Variants in UPRT observed in about 807,000 individuals in gnomAD.
UPRT encodes uracil phosphoribosyltransferase homolog, also known as RP11-311P8.3.
In UPRT, 5 loss-of-function variants were observed where a neutral mutation model predicts 22.6. The ratio of observed to expected loss-of-function variants is 0.22; its 90% CI spans 0.12 to 0.47. The LOEUF is 0.47. UPRT is among the 20% of genes least tolerant of loss of function. The pLI is 0.99. For synonymous variants in UPRT, 77 were observed against 87.7 expected, an observed-to-expected ratio of 0.88 and a Z score of 0.68; for missense variants, 181 against 239.9, an observed-to-expected ratio of 0.75 and a Z score of 1.62.
At chrX:75,166,300 A>C (rs1335062262) in intron 3 of UPRT, among the ~76,000 whole-genome samples, 2 of 112,107 alleles carry the variant, frequency 1.8e-5, no homozygotes, top group African/African-American at 6.5e-5. Context: ...TTACCAACCT[A>C]TTCTGAAAAG....
intron 4 of UPRT, among the ~76,000 whole-genome samples, chrX:75,175,438 C>T (rs920271245): frequency 8.0e-5 from 9 of 112,211 alleles, no homozygotes; most frequent in East Asian, 2.8e-4. Flanking sequence ...CGGATGGTAA[C>T]GGATCTTGAG....
intron 4 of UPRT, among the ~76,000 whole-genome samples, chrX:75,196,602 T>A (rs2082333277): frequency 8.9e-6 from 1 of 112,103 alleles, no homozygotes; most frequent in Non-Finnish European, 1.9e-5. Context: ...ATCCCAGCAC[T>A]TTGGAAGGCC....
intron 4 of UPRT, among the ~76,000 whole-genome samples, chrX:75,190,229 T>A (rs1184344031): frequency 7.2e-5 from 8 of 111,712 alleles, no homozygotes; most frequent in Non-Finnish European, 1.3e-4. Context: ...TTTCTCCTTC[T>A]CTTATGAAGC....
chrX:75,234,967 A>C (rs1157081775), intron 4 of UPRT, among the ~76,000 whole-genome samples: 2 of 111,852 alleles, frequency 1.8e-5, no homozygotes, highest in Non-Finnish European at 3.8e-5. Context: ...AGAGACACAA[A>C]AAACCCTTCA....
chrX:75,232,517 T>A (rs2082442224), intron 4 of UPRT, among the ~76,000 whole-genome samples: 1 of 112,546 alleles, frequency 8.9e-6, no homozygotes, highest in African/African-American at 3.2e-5. Flanking sequence ...CAGTAACCTC[T>A]GCAGACTTAA....
rs780845821 is a variant in UPRT at position 75,297,552 on chromosome X, C to T, written c.561C>T (p.Ser187=). ...ATTGTGGGGTCAGCATAATGAGAAG[C>T]GGTAGGTTCACGTGTGTGTGATTTT... ...KGNCGVSIMR[S]GEAMEQGLRD... is the part of the protein sequence containing the mutation. Residue 187 remains serine, a splice_region_variant and synonymous_variant, in exon 4 of 7, where the codon AGC becomes AGT. Transcript: ENST00000373383. 18 of 1,209,233 alleles carry T rather than the reference C, an allele frequency of 1.5e-5. No homozygotes were observed. Among genetic ancestry groups the T allele is most frequent in the South Asian group, 1.4e-4 (8 of 56,785 alleles).
chrX:75,229,558 G>A (rs5937986), intron 4 of UPRT, among the ~76,000 whole-genome samples: 72,320 of 111,071 alleles, frequency 0.65, 20,716 homozygotes, highest in Non-Finnish European at 0.91. Context: ...AAGTGTGAGA[G>A]GGGAAAAAGT....
chrX:75,170,283 C>T (rs6647653), intron 4 of UPRT, among the ~76,000 whole-genome samples: 3,224 of 111,198 alleles, frequency 0.029, 116 homozygotes, highest in African/African-American at 0.1. Context: ...GTGATCCACC[C>T]GCCTTGGCCT....
At chrX:75,164,516 A>T (rs2082208100) in intron 3 of UPRT, among the ~76,000 whole-genome samples, 1 of 112,202 alleles carries the variant, frequency 8.9e-6, no homozygotes, top group Admixed American at 9.5e-5. Context: ...GCTAAGTGAA[A>T]AAAACAAAAA....
chrX:75,248,031 C>G (rs943652439), intron 4 of UPRT, among the ~76,000 whole-genome samples: 12 of 112,026 alleles, frequency 1.1e-4, no homozygotes, highest in African/African-American at 3.6e-4. Context: ...AACTAACAAA[C>G]AGAAAGGACA....
intron 4 of UPRT, among the ~76,000 whole-genome samples, chrX:75,260,129 C>T (rs1016831674): frequency 8.9e-5 from 10 of 111,733 alleles, no homozygotes; most frequent in Non-Finnish European, 1.3e-4. Context: ...AAAGAAACAA[C>T]GGGTACCAGC....
chrX:75,201,059 G>T (rs974607299), intron 4 of UPRT, among the ~76,000 whole-genome samples: 8 of 112,307 alleles, frequency 7.1e-5, no homozygotes, highest in Admixed American at 1.9e-4. Context: ...TCATCTACAA[G>T]ATCCTCCACT....
At chrX:75,259,366 A>C (rs1378695181) in intron 4 of UPRT, among the ~76,000 whole-genome samples, 1 of 109,915 alleles carries the variant, frequency 9.1e-6, no homozygotes, top group African/African-American at 3.3e-5. Flanking sequence ...AAGGAAGCTA[A>C]TGGTTAGAAG....
intron 1 of UPRT, among the ~76,000 whole-genome samples, chrX:75,277,671 GT>G (rs1361021112): frequency 9.0e-6 from 1 of 111,530 alleles, no homozygotes; most frequent in Non-Finnish European, 1.9e-5. Context: ...CATAAGTGCT[GT>G]CTTCTTGATT....
intron 4 of UPRT, among the ~76,000 whole-genome samples, chrX:75,190,940 G>A (rs1371755145): frequency 9.0e-6 from 1 of 111,144 alleles, no homozygotes; most frequent in African/African-American, 3.3e-5. Flanking sequence ...CCTTTAGCTT[G>A]GAGAGGTTTG....
At chrX:75,190,697 A>G (rs1260871661) in intron 4 of UPRT, among the ~76,000 whole-genome samples, 2 of 111,081 alleles carry the variant, frequency 1.8e-5, no homozygotes, top group Non-Finnish European at 3.8e-5. Flanking sequence ...TTTTTTCTCT[A>G]AACTTCTCTT....
At chrX:75,232,064 G>A (rs891314278) in intron 4 of UPRT, among the ~76,000 whole-genome samples, 9 of 111,643 alleles carry the variant, frequency 8.1e-5, no homozygotes, top group Admixed American at 2.8e-4. Flanking sequence ...GACAGTGGGC[G>A]CAGGTCAGTG....
At chrX:75,228,121 A>C (rs996332113) in intron 4 of UPRT, among the ~76,000 whole-genome samples, 1 of 111,340 alleles carries the variant, frequency 9.0e-6, no homozygotes, top group Non-Finnish European at 1.9e-5. Context: ...GGACTAAAAG[A>C]AGCAGGACTA....
intron 4 of UPRT, among the ~76,000 whole-genome samples, chrX:75,177,299 G>A (rs4623617): frequency 0.67 from 67,967 of 100,743 alleles, 20,753 homozygotes; most frequent in Non-Finnish European, 0.94. Flanking sequence ...CGGAATAGTT[G>A]CACTTACCGA....
Sources: gnomAD v4.1 joint callset for allele counts (sites outside exome capture counted in the v4.1 genomes callset) on GRCh38, gnomAD v4.1.1 for gene constraint, MANE v1.5 for transcripts, NCBI Gene and HGNC (gene_info 2026-07-23, HGNC 2026-07-21) for gene names.